CAP2: variants seen among roughly 807,000 people sequenced by gnomAD.
The protein encoded by CAP2 is cyclase associated actin cytoskeleton regulatory protein 2.
In CAP2, 24 loss-of-function variants were observed where a neutral mutation model predicts 57.7. The ratio of observed to expected loss-of-function variants is 0.42; its 90% CI spans 0.30 to 0.58. The LOEUF (loss-of-function observed/expected upper bound fraction) is 0.58, where lower values mean the gene tolerates loss of function less well. Ranked by LOEUF, CAP2 falls within the 20% of genes least tolerant of loss-of-function variation. The probability of loss-of-function intolerance (pLI) is 0.22; values close to 1 mark genes in which losing one functional copy is unlikely to be tolerated. For missense variants in CAP2, 501 were observed against 590.3 expected (o/e 0.85, Z 1.57); for synonymous variants, 194 against 207.2 (o/e 0.94, Z 0.55).
At position 17,424,018 on chromosome 6, in the gene CAP2, C is replaced by A. The variant is rs111272852; in HGVS notation, c.121+2342C>A. 3.0e-3 allele frequency among the ~76,000 whole-genome samples: 451 copies of A among 152,136 alleles called. 3 individuals are homozygous for A. The highest frequency in any genetic ancestry group is 9.5e-3 in the African/African-American group (393 of 41,500). On this transcript the variant is annotated intron_variant, in intron 2 of 12. Transcript: ENST00000229922. ...TAAATTCTATTTTTAACAAATCCGCCGAACAACCTTTTACCTTACATGTAA... is the reference window on the plus strand; with the variant it reads ...TAAATTCTATTTTTAACAAATCCGCAGAACAACCTTTTACCTTACATGTAA...
At chr6:17,545,742 T>C (rs1460049529) in intron 11 of CAP2, among the ~76,000 whole-genome samples, 1 of 152,144 alleles carries the variant, frequency 6.6e-6, no homozygotes, top group Non-Finnish European at 1.5e-5. Flanking sequence ...TTCCCCTTCC[T>C]GTGTCCAAAT....
intron 7 of CAP2, chr6:17,530,868 T>C: frequency 1.9e-6 from 2 of 1,067,854 alleles, no homozygotes; most frequent in Non-Finnish European, 2.8e-6. Context: ...ACTGACCAGC[T>C]TAGAAAAATA....
chr6:17,472,866 A>T (rs557490142), intron 4 of CAP2, among the ~76,000 whole-genome samples: 1 of 152,166 alleles, frequency 6.6e-6, no homozygotes, highest in Non-Finnish European at 1.5e-5. Context: ...AAAGAGAGTA[A>T]TTCTGTCATT....
At chr6:17,514,803 A>G (rs572403124) in intron 7 of CAP2, among the ~76,000 whole-genome samples, 7 of 152,242 alleles carry the variant, frequency 4.6e-5, no homozygotes, top group Admixed American at 1.3e-4. Flanking sequence ...CATGGTAAGA[A>G]TGCAATGAAA....
chr6:17,512,751 C>G (rs73722918), intron 6 of CAP2, among the ~76,000 whole-genome samples: 122 of 152,268 alleles, frequency 8.0e-4, no homozygotes, highest in African/African-American at 2.9e-3. Context: ...AGAACAAAAC[C>G]ACACTCACAT....
chr6:17,469,578 G>A (rs1760963909), intron 4 of CAP2, among the ~76,000 whole-genome samples: 1 of 152,132 alleles, frequency 6.6e-6, no homozygotes, highest in African/African-American at 2.4e-5. Flanking sequence ...TCTGAGTTCT[G>A]TATTCCTCCA....
intron 1 of CAP2, among the ~76,000 whole-genome samples, chr6:17,406,869 G>A (rs1419230496): frequency 6.6e-6 from 1 of 152,106 alleles, no homozygotes; most frequent in East Asian, 1.9e-4. Context: ...TGGCCAAAAA[G>A]AGGAGCTTCT....
chr6:17,456,340 T>C lies in CAP2; in HGVS notation c.223-6656T>C, dbSNP rs553811942. Among the ~76,000 whole-genome samples, 178 of 152,348 alleles carry C rather than the reference T, an allele frequency of 1.2e-3. 1 individual carries two copies. The highest frequency in any genetic ancestry group is 3.9e-3 in the African/African-American group (161 of 41,578). On this transcript the variant is annotated intron_variant, in intron 3 of 12. Transcript: ENST00000229922. ...GATACAGAAACGGGGTTGGTGCTTA[T>C]GTTCATGTTTACAAAATCAAGCATC...
intron 5 of CAP2, 41 bp downstream of exon 5, chr6:17,507,353 G>T: frequency 6.2e-7 from 1 of 1,604,560 alleles, no homozygotes; most frequent in Non-Finnish European, 8.5e-7. Flanking sequence ...CTCATCACAC[G>T]TTTGGAGTAT....
Position 17,507,264 on chromosome 6 carries a change from T to C in CAP2, c.396T>C (p.His132=). ...ERNRGSNMFN[H]LSAVSESIPA... The stretch of plus-strand genomic sequence containing the variant: ...ACCGGGGGAGTAACATGTTTAATCA[T>C]CTTTCGGCCGTCAGCGAAAGCATCC... Residue 132 remains histidine (H), a synonymous_variant, in exon 5 of 13, where the codon CAT becomes CAC. Transcript: ENST00000229922. The C allele has an allele frequency of 6.2e-7, 1 of 1,614,186 alleles. No individual in the cohort carries two copies. The highest frequency in any genetic ancestry group is 8.5e-7 in the Non-Finnish European group (1 of 1,180,022).
chr6:17,419,126 A>G (rs1489431546), intron 1 of CAP2, among the ~76,000 whole-genome samples: 1 of 152,228 alleles, frequency 6.6e-6, no homozygotes, highest in African/African-American at 2.4e-5. Flanking sequence ...ACAGAGCTAT[A>G]CAAGTTTTGA....
At chr6:17,477,117 C>T (rs536815153) in intron 4 of CAP2, among the ~76,000 whole-genome samples, 21 of 152,160 alleles carry the variant, frequency 1.4e-4, no homozygotes, top group Admixed American at 8.5e-4. Flanking sequence ...GTGATCTGCC[C>T]GGCCTTTCGG....
At chr6:17,480,408 C>T (rs1761258973) in intron 4 of CAP2, among the ~76,000 whole-genome samples, 1 of 152,138 alleles carries the variant, frequency 6.6e-6, no homozygotes, top group African/African-American at 2.4e-5. Context: ...ATTTGATTAG[C>T]TAGGCTTGGA....
chr6:17,428,971 C>G (rs1176651002), intron 3 of CAP2, among the ~76,000 whole-genome samples: 2 of 152,106 alleles, frequency 1.3e-5, no homozygotes, highest in East Asian at 3.9e-4. Flanking sequence ...CTAAGAAAAA[C>G]AAAGATACTT....
chr6:17,531,440 G>A, intron 7 of CAP2: 10 of 1,557,782 alleles, frequency 6.4e-6, no homozygotes, highest in Non-Finnish European at 8.8e-6. Context: ...TTGAATTTCA[G>A]TTCTGTACAT....
chr6:17,408,684 C>T (rs1226949155), intron 1 of CAP2, among the ~76,000 whole-genome samples: 3 of 106,204 alleles, frequency 2.8e-5, no homozygotes, highest in East Asian at 2.5e-4. Context: ...TTTTTTGAGA[C>T]GGAGTCTCAC....
At chr6:17,459,186 C>G (rs928498939) in intron 3 of CAP2, among the ~76,000 whole-genome samples, 11 of 152,196 alleles carry the variant, frequency 7.2e-5, no homozygotes, top group African/African-American at 2.7e-4. Context: ...ATCCGAATGG[C>G]ATGTGTTCCA....
At chr6:17,521,986 G>A (rs1027130117) in intron 7 of CAP2, among the ~76,000 whole-genome samples, 1 of 152,182 alleles carries the variant, frequency 6.6e-6, no homozygotes, top group Admixed American at 6.5e-5. Flanking sequence ...GTGCAGACCT[G>A]TAATCCCAGC....
chr6:17,405,827 A>C (rs1473963901), intron 1 of CAP2, among the ~76,000 whole-genome samples: 1 of 151,924 alleles, frequency 6.6e-6, no homozygotes, highest in East Asian at 1.9e-4. Context: ...TACAGCCTCG[A>C]CCTCCTGGGC....
Sources: allele counts gnomAD v4.1 joint callset (sites outside exome capture counted in the v4.1 genomes callset), GRCh38; gene constraint gnomAD v4.1.1; transcripts MANE v1.5; gene names NCBI Gene and HGNC (gene_info 2026-07-23, HGNC 2026-07-21).